C2CD5: variants seen among roughly 807,000 people sequenced by gnomAD.
The protein encoded by C2CD5 is C2 domain-containing protein 5.
C2CD5 carries 109 observed loss-of-function variants against 130.3 expected under a neutral mutation model. The observed-to-expected ratio is 0.84, with a 90% confidence interval of 0.72 to 0.98. The LOEUF is 0.98. Among genes scored for constraint, C2CD5 ranks in the 50% least tolerant of loss-of-function variants. C2CD5 has a pLI of 0.00. For missense variants in C2CD5, 996 were observed against 1,261.8 expected, an observed-to-expected ratio of 0.79 and a Z score of 3.19; for synonymous variants, 454 against 429.2, an observed-to-expected ratio of 1.06 and a Z score of -0.71.
chr12:22,506,692 A>C lies in C2CD5; in HGVS notation c.1147+19T>G. 7.4e-7 allele frequency: 1 copy of C among 1,351,390 alleles called. No individual in the cohort carries two copies. The highest frequency in any genetic ancestry group is 1.2e-5 in the South Asian group (1 of 80,714). 83.7% of individuals were successfully genotyped at this position (1,351,390 alleles called of 1,614,324 possible). A position where few individuals can be genotyped will look rare whatever the true frequency, so the allele number is the denominator to read the frequency against. On this transcript the variant is annotated intron_variant, in intron 10 of 26. Transcript: ENST00000446597. ...CACAATTTAAATAAAGGAAACATTGAAACTTTTTAAGAACATACCAGGATT... is the reference window on the plus strand; with the variant it reads ...CACAATTTAAATAAAGGAAACATTGCAACTTTTTAAGAACATACCAGGATT...
rs182336947 is a variant in C2CD5, at chr12:22,531,285, T to A, written c.178-3393A>T. 3.9e-5 allele frequency among the ~76,000 whole-genome samples: 6 copies of A among 152,228 alleles called. No homozygotes were observed. The South Asian group carries it at 1.2e-3, about 32-fold the overall frequency. On this transcript the variant is annotated intron_variant, in intron 3 of 26. Transcript: ENST00000446597. Reference sequence around the variant, plus strand: ...CAGCTAAAAGAAAAATTTGTACATATACACAAAAGAAAATGAGAAGAGAAT... The same window carrying A: ...CAGCTAAAAGAAAAATTTGTACATAAACACAAAAGAAAATGAGAAGAGAAT...
chr12:22,521,268 T>G (rs181303063), intron 7 of C2CD5, among the ~76,000 whole-genome samples: 16 of 152,274 alleles, frequency 1.1e-4, no homozygotes, highest in African/African-American at 3.8e-4. Flanking sequence ...TTTTAAAAAA[T>G]AACTTGACTT....
At chr12:22,508,327 GC>G (rs1407160125) in intron 9 of C2CD5, among the ~76,000 whole-genome samples, 1 of 152,132 alleles carries the variant, frequency 6.6e-6, no homozygotes, top group Admixed American at 6.5e-5. Flanking sequence ...GTATAGCCCA[GC>G]AGAAAGGTAG....
intron 10 of C2CD5, among the ~76,000 whole-genome samples, chr12:22,500,633 A>G (rs1177265620): frequency 6.6e-6 from 1 of 152,184 alleles, no homozygotes; most frequent in Non-Finnish European, 1.5e-5. Flanking sequence ...GGGGACTGGC[A>G]ATCTTTCCAC....
intron 15 of C2CD5, 67 bp downstream of exon 15, chr12:22,478,246 A>G (rs1384734645): frequency 2.3e-5 from 31 of 1,349,476 alleles, no homozygotes; most frequent in Non-Finnish European, 3.3e-5. Flanking sequence ...GTCCTCAATA[A>G]GATAACCTAA....
At chr12:22,539,777 T>C (rs926842467) in intron 2 of C2CD5, among the ~76,000 whole-genome samples, 2 of 152,150 alleles carry the variant, frequency 1.3e-5, no homozygotes, top group Admixed American at 1.3e-4. Flanking sequence ...GTGGATCACC[T>C]GAGGTCAGGT....
chr12:22,525,573 T>C (rs377603965), intron 5 of C2CD5, 37 bp downstream of exon 5: 1 of 939,574 alleles, frequency 1.1e-6, no homozygotes, highest in African/African-American at 1.6e-5. Flanking sequence ...TAACAGTTAT[T>C]ACATTTCCTG....
intron 3 of C2CD5, among the ~76,000 whole-genome samples, chr12:22,534,287 C>T (rs1020158103): frequency 1.3e-5 from 2 of 152,092 alleles, no homozygotes; most frequent in Non-Finnish European, 2.9e-5. Context: ...AACCATAAAA[C>T]TCTTACAAAA....
At chr12:22,492,001 T>C (rs561480415) in intron 11 of C2CD5, among the ~76,000 whole-genome samples, 1 of 152,240 alleles carries the variant, frequency 6.6e-6, no homozygotes, top group South Asian at 2.1e-4. Context: ...AAGTTAGTAG[T>C]TAACAAGAGT....
intron 10 of C2CD5, chr12:22,497,475 A>C (rs76457984): frequency 8.1e-4 from 155 of 192,200 alleles, no homozygotes; most frequent in African/African-American, 3.4e-3. Context: ...CTAATTTATA[A>C]ATCAACAAAA....
chr12:22,520,314 CTT>C (rs1307051854), intron 7 of C2CD5, among the ~76,000 whole-genome samples: 1 of 152,130 alleles, frequency 6.6e-6, no homozygotes, highest in East Asian at 1.9e-4. Context: ...CTGATCTTTT[CTT>C]TCTTTTCCAT....
At position 22,471,002 on chromosome 12, in the gene C2CD5, A is replaced by G. The variant is rs554420117; in HGVS notation, c.2359-91T>C. 12 of 760,632 alleles carry G rather than the reference A, an allele frequency of 1.6e-5. No individual in the cohort carries two copies. In the East Asian group the frequency reaches 3.1e-4, roughly 20 times the overall value. 47.1% of individuals were successfully genotyped at this position (760,632 alleles called of 1,614,324 possible). ...TTTTTTCAGTACCACGGAACAACCTACACCAAATACCTTTTCTGGTTAAAA... is the reference window on the plus strand; with the variant it reads ...TTTTTTCAGTACCACGGAACAACCTGCACCAAATACCTTTTCTGGTTAAAA... On this transcript the variant is annotated intron_variant, in intron 20 of 26. Transcript: ENST00000446597.
At position 22,482,635 on chromosome 12, in the gene C2CD5, T is replaced by C. The variant is rs1944892854; in HGVS notation, c.1659A>G (p.Leu553=). 4.3e-6 allele frequency: 7 copies of C among 1,613,512 alleles called. 1 individual carries two copies. Among genetic ancestry groups the C allele is most frequent in the East Asian group, 4.5e-5 (2 of 44,818 alleles). ...ACAAAGCATTCATTCCTTTGAGTTT[T>C]AGTTTATTCATTAGCTGAGTATGCA... is the stretch of plus-strand genomic sequence containing the variant. ...YEVHTQLMNK[L]KLKGMNALFG... is the part of the protein sequence containing the mutation. The change falls in exon 14 of 27, where the codon CTA becomes CTG. Residue 553 remains leucine, a synonymous_variant. Coordinates refer to ENST00000446597, the MANE Select transcript of C2CD5 (RefSeq NM_001286176.2).
chr12:22,458,142 G>A (rs184902590), intron 24 of C2CD5, among the ~76,000 whole-genome samples: 48 of 152,128 alleles, frequency 3.2e-4, no homozygotes, highest in African/African-American at 1.1e-3. Flanking sequence ...ACCGACAGAT[G>A]CCACATACTA....
intron 22 of C2CD5, among the ~76,000 whole-genome samples, chr12:22,464,593 C>T (rs1330037969): frequency 6.6e-6 from 1 of 152,120 alleles, no homozygotes; most frequent in Non-Finnish European, 1.5e-5. Flanking sequence ...GAGTTTTTCA[C>T]ACATTTTCCT....
chr12:22,533,406 G>GT (rs1302347537), intron 3 of C2CD5, among the ~76,000 whole-genome samples: 3 of 152,200 alleles, frequency 2.0e-5, no homozygotes, highest in African/African-American at 7.2e-5. Flanking sequence ...AATGAGAACT[G>GT]TATCTCCTTT....
At chr12:22,522,014 C>A (rs767011474) in intron 7 of C2CD5, among the ~76,000 whole-genome samples, 1 of 152,186 alleles carries the variant, frequency 6.6e-6, no homozygotes, top group African/African-American at 2.4e-5. Flanking sequence ...AAACTACAGA[C>A]TGCAGTCCGA....
chr12:22,544,403 TC>T lies in C2CD5; in HGVS notation c.-114del, dbSNP rs1952748537. 3 of 380,642 alleles carry T rather than the reference TC, an allele frequency of 7.9e-6. No individual in the cohort carries two copies. In the Admixed American group the frequency reaches 1.5e-4, roughly 19 times the overall value. The allele number at this position is 380,642 out of a possible 1,614,324, so 23.6% of individuals were successfully genotyped here. On this transcript the variant is annotated 5_prime_UTR_variant, in exon 1 of 27. The change creates a premature stop within an existing upstream ORF in the 5' untranslated region. Transcript: ENST00000446597. Reference sequence around the variant, plus strand: ...GGCGGGAGGAAGGGCTTTGATGGGTTCTTCCGTCCCGGCCCCACAAGGCTGG... The same window carrying T: ...GGCGGGAGGAAGGGCTTTGATGGGTTTTCCGTCCCGGCCCCACAAGGCTGG...
At chr12:22,523,819 T>A (rs1950486249) in intron 6 of C2CD5, among the ~76,000 whole-genome samples, 195 bp from the exon 7 acceptor site, 1 of 151,284 alleles carries the variant, frequency 6.6e-6, no homozygotes, top group Non-Finnish European at 1.5e-5. Flanking sequence ...TATAGCATAA[T>A]TATAAAATAT....
Sources: gnomAD v4.1 joint callset for allele counts (sites outside exome capture counted in the v4.1 genomes callset) on GRCh38, gnomAD v4.1.1 for gene constraint, MANE v1.5 for transcripts, NCBI Gene and HGNC (gene_info 2026-07-23, HGNC 2026-07-21) for gene names.